Variants in GLI2 observed in about 807,000 individuals in gnomAD.
GLI2 encodes the protein GLI family zinc finger 2.
In GLI2, 22 loss-of-function variants were observed where a neutral mutation model predicts 78.9. The ratio of observed to expected loss-of-function variants is 0.28; its 90% CI spans 0.20 to 0.40. The LOEUF is 0.40. Ranked by LOEUF, GLI2 falls within the 10% of genes least tolerant of loss-of-function variation. GLI2 has a pLI of 1.00. For synonymous variants in GLI2, 974 were observed against 963.7 expected, an observed-to-expected ratio of 1.01 and a Z score of -0.20; for missense variants, 2,097 against 2,213.2, an observed-to-expected ratio of 0.95 and a Z score of 1.05.
At chr2:120,972,908 AG>A (rs1427521723) in intron 8 of GLI2, among the ~76,000 whole-genome samples, 1 of 152,110 alleles carries the variant, frequency 6.6e-6, no homozygotes, top group Non-Finnish European at 1.5e-5. Flanking sequence ...CTCTGGGAGC[AG>A]GGGCCTGTCT....
chr2:120,886,773 G>T (rs866433695), intron 2 of GLI2, among the ~76,000 whole-genome samples: 3 of 152,192 alleles, frequency 2.0e-5, no homozygotes, highest in Non-Finnish European at 2.9e-5. Context: ...CCTGGTGGGT[G>T]GACCCAGGGC....
intron 2 of GLI2, among the ~76,000 whole-genome samples, chr2:120,859,452 C>CTTTTTT (rs57311162): frequency 5.6e-5 from 7 of 125,484 alleles, no homozygotes; most frequent in Non-Finnish European, 1.2e-4. Flanking sequence ...ATACTCCCTC[C>CTTTTTT]TTTTTTTTTT....
rs769099247 is a variant in GLI2 at position 120,989,553 on chromosome 2, C to T, written c.3588C>T (p.Ser1196=). The change falls in exon 14 of 14, where the codon TCC becomes TCT. Residue 1196 remains serine (S), a synonymous_variant. Coordinates refer to ENST00000361492, the MANE Select transcript of GLI2 (RefSeq NM_001374353.1). The part of the protein sequence containing the change: ...PHLQPRSGAP[S]QGIPRVNYMQ... Reference sequence around the variant, plus strand: ...TGCAGCCCCGCAGCGGAGCCCCCTCCCAGGGCATCCCCAGGGTAAACTACA... The same window carrying T: ...TGCAGCCCCGCAGCGGAGCCCCCTCTCAGGGCATCCCCAGGGTAAACTACA... 3 of 1,612,974 alleles carry T rather than the reference C, an allele frequency of 1.9e-6. No individual in the cohort carries two copies. Among genetic ancestry groups the T allele is most frequent in the Non-Finnish European group, 2.5e-6 (3 of 1,179,890 alleles).
Position 120,990,468 on chromosome 2 carries a change from T to C in GLI2, c.4503T>C (p.Asp1501=). The C allele has an allele frequency of 6.2e-7, 1 of 1,613,976 alleles. No homozygotes were observed. The highest frequency in any genetic ancestry group is 8.5e-7 in the Non-Finnish European group (1 of 1,179,974). ...PQIDFDAIMD[D]GDHSSLFSGA... ...TTGACTTCGATGCCATCATGGATGA[T>C]GGCGATCACTCGAGTTTGTTCTCGG... Residue 1501 remains aspartate (D), a synonymous_variant, in exon 14 of 14, where the codon GAT becomes GAC. Coordinates refer to ENST00000361492, the MANE Select transcript of GLI2 (RefSeq NM_001374353.1).
chr2:120,881,624 G>T (rs1442807534), intron 2 of GLI2, among the ~76,000 whole-genome samples: 20 of 94,602 alleles, frequency 2.1e-4, no homozygotes, highest in African/African-American at 7.9e-4. Flanking sequence ...GAGGACAGGT[G>T]GGGGAGGACA....
At chr2:120,892,831 C>T (rs1175491500) in intron 2 of GLI2, among the ~76,000 whole-genome samples, 10 of 152,206 alleles carry the variant, frequency 6.6e-5, no homozygotes, top group Non-Finnish European at 2.9e-5. Flanking sequence ...TCACCACCTT[C>T]GGTGTCTCTT....
chr2:120,965,841 G>T (rs533155045), intron 5 of GLI2, among the ~76,000 whole-genome samples: 9 of 152,344 alleles, frequency 5.9e-5, no homozygotes, highest in Non-Finnish European at 5.9e-5. Context: ...GGTGACCTAG[G>T]ATCCTTCCTG....
intron 9 of GLI2, among the ~76,000 whole-genome samples, chr2:120,975,654 A>T (rs1484209587): frequency 6.6e-6 from 1 of 152,210 alleles, no homozygotes; most frequent in Non-Finnish European, 1.5e-5. Context: ...ACAGTGCCTG[A>T]GTACTGACAG....
intron 2 of GLI2, among the ~76,000 whole-genome samples, chr2:120,896,923 G>A (rs1479943977): frequency 3.0e-5 from 4 of 135,018 alleles, no homozygotes; most frequent in Non-Finnish European, 6.3e-5. Context: ...GCGGAGATCA[G>A]GGGAAAGAAA....
At chr2:120,772,646 G>A (rs1037160409) in intron 1 of GLI2, among the ~76,000 whole-genome samples, 16 of 152,226 alleles carry the variant, frequency 1.1e-4, no homozygotes, top group Non-Finnish European at 1.5e-4. Context: ...TGGAGAAGGC[G>A]GAATGAATAT....
intron 8 of GLI2, 36 bp from the exon 9 acceptor site, chr2:120,974,939 C>G (rs768456013): frequency 6.2e-7 from 1 of 1,614,234 alleles, no homozygotes; most frequent in South Asian, 1.1e-5. Context: ...GGTGTCTGGA[C>G]ACGGCTCATG....
chr2:120,990,786 G>T lies in GLI2; in HGVS notation c.*111G>T. ...AAAAAGTGTTAAATAGGCTTGAGGGGTTGTTGCGCAATGGCCGCTTCAGAT... is the reference window on the plus strand; with the variant it reads ...AAAAAGTGTTAAATAGGCTTGAGGGTTTGTTGCGCAATGGCCGCTTCAGAT... On this transcript the variant is annotated 3_prime_UTR_variant, in exon 14 of 14. Coordinates refer to ENST00000361492, the MANE Select transcript of GLI2 (RefSeq NM_001374353.1). 1 of 865,692 alleles carries T rather than the reference G, an allele frequency of 1.2e-6. No homozygotes were observed. The highest frequency in any genetic ancestry group is 1.7e-5 in the South Asian group (1 of 59,410). The allele number at this position is 865,692 out of a possible 1,614,324, so 53.6% of individuals were successfully genotyped here. A position where few individuals can be genotyped will look rare whatever the true frequency, so the allele number is the denominator to read the frequency against.
chr2:120,743,505 G>A (rs768064332), intron 1 of GLI2, among the ~76,000 whole-genome samples: 2 of 152,044 alleles, frequency 1.3e-5, no homozygotes, highest in Non-Finnish European at 2.9e-5. Context: ...GCCTATGAAG[G>A]TGACCCTGGT....
chr2:120,938,327 T>G (rs948280488), intron 3 of GLI2, among the ~76,000 whole-genome samples: 5 of 152,218 alleles, frequency 3.3e-5, no homozygotes, highest in African/African-American at 1.2e-4. Context: ...GTCTCCCTGA[T>G]AATCCCCTTA....
chr2:120,970,503 C>G lies in GLI2; in HGVS notation c.956C>G (p.Pro319Arg). The G allele has an allele frequency of 6.2e-7, 1 of 1,614,004 alleles. No homozygotes were observed. The highest frequency in any genetic ancestry group is 8.5e-7 in the Non-Finnish European group (1 of 1,179,902). ...AFGHTPPLIQ[P>R]SPTFLAQQPM... is the part of the protein sequence containing the mutation. ...GGACACACACCACCCCTGATCCAGC[C>G]CTCACCCACCTTCCTGGCCCAGCAG... is the stretch of plus-strand genomic sequence containing the variant. The change falls in exon 7 of 14, where the codon CCC (proline) becomes CGC (arginine). Residue 319 changes from proline to arginine, a missense_variant. Around this residue, in one of 5 missense-constraint regions of GLI2, gnomAD observed 578 missense variants for 612.0 expected, o/e 0.94. Coordinates refer to ENST00000361492, the MANE Select transcript of GLI2 (RefSeq NM_001374353.1).
intron 2 of GLI2, among the ~76,000 whole-genome samples, chr2:120,836,825 C>T (rs143983807): frequency 1.2e-3 from 189 of 152,302 alleles, no homozygotes; most frequent in African/African-American, 4.2e-3. Context: ...TGGGTGTACA[C>T]ACTTGTAGCT....
At chr2:120,760,283 C>T (rs1683174524) in intron 1 of GLI2, among the ~76,000 whole-genome samples, 2 of 152,126 alleles carry the variant, frequency 1.3e-5, no homozygotes, top group Non-Finnish European at 1.5e-5. Context: ...GATATAGGTC[C>T]TCCTAGGGAT....
At chr2:120,964,323 G>A (rs539997121) in intron 5 of GLI2, among the ~76,000 whole-genome samples, 2 of 152,362 alleles carry the variant, frequency 1.3e-5, no homozygotes, top group East Asian at 1.9e-4. Flanking sequence ...AGATTCCACA[G>A]GGCCACCGCC....
chr2:120,869,228 A>G (rs545621708), intron 2 of GLI2, among the ~76,000 whole-genome samples: 1 of 152,314 alleles, frequency 6.6e-6, no homozygotes, highest in Non-Finnish European at 1.5e-5. Flanking sequence ...AGCCAGTCCT[A>G]TGTTTGTGAG....
Sources: gnomAD v4.1 joint callset for allele counts (sites outside exome capture counted in the v4.1 genomes callset) on GRCh38, gnomAD v4.1.1 for gene constraint, gnomAD v4.1.1 regional missense constraint, MANE v1.5 for transcripts, NCBI Gene and HGNC (gene_info 2026-07-23, HGNC 2026-07-21) for gene names.